VWA8: variants seen among roughly 807,000 people sequenced by gnomAD.
The protein encoded by VWA8 is von Willebrand factor A domain-containing protein 8.
Under a neutral mutation model 241.5 loss-of-function variants are expected in VWA8, and 221 were observed. The observed-to-expected ratio is 0.91, with a 90% CI of 0.82 to 1.02. The LOEUF (loss-of-function observed/expected upper bound fraction) is 1.02. Among genes scored for constraint, VWA8 ranks in the 50% least tolerant of loss-of-function variants. The probability of loss-of-function intolerance (pLI) is 0.00; values close to 1 mark genes in which losing one functional copy is unlikely to be tolerated. For synonymous variants in VWA8, 852 were observed against 827.1 expected (o/e 1.03, Z -0.52); for missense variants, 2,322 against 2,328.7 (o/e 1.00, Z 0.06).
intron 17 of VWA8, among the ~76,000 whole-genome samples, chr13:41,791,546 T>TCTAACCTTA (rs1208515102): frequency 2.6e-5 from 4 of 151,918 alleles, no homozygotes; most frequent in African/African-American, 9.7e-5. Flanking sequence ...AACTGGTGTG[T>TCTAACCTTA]ATTTGTTGTC....
rs151266467 is a variant in VWA8 at position 41,911,661 on chromosome 13, T to C, written c.372+377A>G. Among the ~76,000 whole-genome samples, 170 of 152,322 alleles carry C rather than the reference T, an allele frequency of 1.1e-3. 1 individual carries two copies. Among genetic ancestry groups the C allele is most frequent in the African/African-American group, 3.5e-3 (147 of 41,574 alleles). ...CATAACTTCCAAAAGTCAAGGGAATTGTTTGGCTTTTTAAAATGTGAGCCT... is the reference window on the plus strand; with the variant it reads ...CATAACTTCCAAAAGTCAAGGGAATCGTTTGGCTTTTTAAAATGTGAGCCT... On this transcript the variant is annotated intron_variant, in intron 3 of 44. Transcript: ENST00000379310.
intron 43 of VWA8, 122 bp from the exon 44 acceptor site, chr13:41,570,828 T>C (rs1198154303): frequency 3.9e-6 from 3 of 767,874 alleles, no homozygotes; most frequent in Non-Finnish European, 6.3e-6. Flanking sequence ...GAGTAGTACA[T>C]TCTAAGTTAG....
chr13:41,658,501 A>T (rs1324770878), intron 37 of VWA8, among the ~76,000 whole-genome samples: 1 of 152,174 alleles, frequency 6.6e-6, no homozygotes, highest in African/African-American at 2.4e-5. Flanking sequence ...CACAGTCACG[A>T]TTACCTCACA....
At chr13:41,644,327 T>G (rs1376270731) in intron 37 of VWA8, among the ~76,000 whole-genome samples, 1 of 151,952 alleles carries the variant, frequency 6.6e-6, no homozygotes, top group Non-Finnish European at 1.5e-5. Context: ...CCATATGCAC[T>G]TCTCTAGGAT....
At chr13:41,766,116 A>C (rs2045777436) in intron 20 of VWA8, among the ~76,000 whole-genome samples, 1 of 152,150 alleles carries the variant, frequency 6.6e-6, no homozygotes, top group Non-Finnish European at 1.5e-5. Flanking sequence ...AATTTCTGAG[A>C]GAAAAGCTCA....
chr13:41,600,426 T>C (rs1423901900), intron 40 of VWA8, among the ~76,000 whole-genome samples: 1 of 152,092 alleles, frequency 6.6e-6, no homozygotes, highest in African/African-American at 2.4e-5. Context: ...ACTGGCACTT[T>C]GCTGCTCTCC....
At chr13:41,684,995 A>G in intron 35 of VWA8, 52 bp downstream of exon 35, 3 of 1,452,182 alleles carry the variant, frequency 2.1e-6, no homozygotes, top group Non-Finnish European at 2.8e-6. Context: ...TACCAAAAGG[A>G]AGCTACTTTA....
chr13:41,887,463 T>C, intron 5 of VWA8, 102 bp from the exon 6 acceptor site: 1 of 1,271,552 alleles, frequency 7.9e-7, no homozygotes, highest in South Asian at 1.6e-5. Context: ...TTGAGAAAAC[T>C]GTATTGGAGA....
chr13:41,790,072 C>A (rs938723852), intron 17 of VWA8, among the ~76,000 whole-genome samples: 1 of 152,036 alleles, frequency 6.6e-6, no homozygotes, highest in South Asian at 2.1e-4. Flanking sequence ...TTTTCAAAGG[C>A]TTTTCAAAGT....
chr13:41,852,394 T>A (rs1047400725), intron 12 of VWA8, among the ~76,000 whole-genome samples: 1 of 151,994 alleles, frequency 6.6e-6, no homozygotes, highest in Non-Finnish European at 1.5e-5. Flanking sequence ...GACTGACTCT[T>A]CTCTGTTGAT....
At chr13:41,881,520 C>CG (rs1358423573) in intron 9 of VWA8, among the ~76,000 whole-genome samples, 7 of 146 alleles carry the variant, frequency 0.048, no homozygotes, top group Admixed American at 0.33. Context: ...CACCTTTCCC[C>CG]CCTTCTGTTC....
At chr13:41,707,165 T>C (rs564558115) in intron 26 of VWA8, among the ~76,000 whole-genome samples, 1 of 152,296 alleles carries the variant, frequency 6.6e-6, no homozygotes, top group East Asian at 1.9e-4. Flanking sequence ...AAAACACACA[T>C]ACAATTCATA....
intron 40 of VWA8, 104 bp from the exon 41 acceptor site, chr13:41,590,869 T>C: frequency 7.0e-7 from 1 of 1,430,326 alleles, no homozygotes; most frequent in Non-Finnish European, 9.7e-7. Context: ...ATCTTTTCAG[T>C]AAGTGATGGT....
chr13:41,660,546 G>C (rs1206272464), intron 37 of VWA8, among the ~76,000 whole-genome samples: 1 of 152,194 alleles, frequency 6.6e-6, no homozygotes, highest in East Asian at 1.9e-4. Flanking sequence ...ATTTCTTAAA[G>C]AGAGATTGAG....
chr13:41,573,727 C>T (rs2044331169), intron 43 of VWA8, among the ~76,000 whole-genome samples: 1 of 151,310 alleles, frequency 6.6e-6, no homozygotes, highest in African/African-American at 2.4e-5. Flanking sequence ...GGGCGGTTCT[C>T]CTGCCTCAGC....
intron 1 of VWA8, among the ~76,000 whole-genome samples, chr13:41,952,761 AAG>A (rs71652177): frequency 2.4e-3 from 362 of 152,272 alleles, no homozygotes; most frequent in African/African-American, 8.2e-3. Context: ...TTTTTAAAAA[AAG>A]TAAAATTCAT....
intron 19 of VWA8, 68 bp from the exon 20 acceptor site, chr13:41,778,124 A>T: frequency 8.7e-7 from 1 of 1,142,928 alleles, no homozygotes; most frequent in Non-Finnish European, 1.2e-6. Flanking sequence ...GTTAACTATA[A>T]AGATATCTTT....
At chr13:41,762,516 T>C (rs2045748218) in intron 20 of VWA8, among the ~76,000 whole-genome samples, 2 of 152,170 alleles carry the variant, frequency 1.3e-5, no homozygotes. Context: ...ATGGAATATC[T>C]TTCTTTCAGT....
At chr13:41,683,222 G>A (rs1443797969) in intron 35 of VWA8, among the ~76,000 whole-genome samples, 1 of 150,704 alleles carries the variant, frequency 6.6e-6, no homozygotes, top group African/African-American at 2.4e-5. Flanking sequence ...AACAAACTGT[G>A]GTACATCTAT....
Sources: allele counts gnomAD v4.1 joint callset (sites outside exome capture counted in the v4.1 genomes callset), GRCh38; gene constraint gnomAD v4.1.1; transcripts MANE v1.5; gene names NCBI Gene and HGNC (gene_info 2026-07-23, HGNC 2026-07-21).